Variants in RALYL observed in about 807,000 individuals in gnomAD.
The protein encoded by RALYL is RNA-binding Raly-like protein.
In RALYL, 29 loss-of-function variants were observed where a neutral mutation model predicts 35.1. That is an observed-to-expected ratio of 0.83 (90% CI 0.61 to 1.13). The LOEUF is 1.13. Among genes scored for constraint, RALYL ranks in the 50% most tolerant of loss-of-function variants. RALYL has a pLI of 0.00. For missense variants in RALYL, 359 were observed against 360.4 expected, an observed-to-expected ratio of 1.00 and a Z score of 0.03; for synonymous variants, 120 against 127.6, an observed-to-expected ratio of 0.94 and a Z score of 0.40.
At chr8:84,504,059 A>G (rs556191669) in intron 1 of RALYL, among the ~76,000 whole-genome samples, 17 of 152,208 alleles carry the variant, frequency 1.1e-4, no homozygotes, top group Non-Finnish European at 1.8e-4. Context: ...GAAAGTCACC[A>G]TAAGGAAAGA....
chr8:84,389,468 C>T (rs571603565), intron 1 of RALYL, among the ~76,000 whole-genome samples: 1 of 151,870 alleles, frequency 6.6e-6, no homozygotes, highest in Non-Finnish European at 1.5e-5. Context: ...ATTCTTCCTA[C>T]CCATGAGCAT....
At chr8:84,442,901 C>T (rs985851625) in intron 1 of RALYL, among the ~76,000 whole-genome samples, 1 of 152,094 alleles carries the variant, frequency 6.6e-6, no homozygotes, top group Non-Finnish European at 1.5e-5. Flanking sequence ...GCCTGGCTTT[C>T]AGAACTTGTT....
intron 1 of RALYL, among the ~76,000 whole-genome samples, chr8:84,332,559 CAATG>C (rs1251260660): frequency 6.6e-6 from 1 of 151,978 alleles, no homozygotes; most frequent in Non-Finnish European, 1.5e-5. Context: ...AGAAACCAGT[CAATG>C]AAGGAACAAG....
intron 1 of RALYL, among the ~76,000 whole-genome samples, chr8:84,241,103 T>A (rs1042614572): frequency 6.6e-6 from 1 of 152,178 alleles, no homozygotes; most frequent in African/African-American, 2.4e-5. Context: ...GTACTTACTT[T>A]GCTCACTTAA....
At chr8:84,820,738 G>A (rs28611199) in intron 4 of RALYL, among the ~76,000 whole-genome samples, 29,143 of 151,828 alleles carry the variant, frequency 0.19, 3,433 homozygotes, top group African/African-American at 0.32. Context: ...GGTGTGTGAT[G>A]TTCCCCTCCC....
chr8:84,373,873 C>T (rs1427395945), intron 1 of RALYL, among the ~76,000 whole-genome samples: 1 of 151,916 alleles, frequency 6.6e-6, no homozygotes, highest in African/African-American at 2.4e-5. Context: ...TTTGTTTCAT[C>T]TCTGATTTCT....
chr8:84,523,579 T>C (rs2058645785), intron 1 of RALYL, among the ~76,000 whole-genome samples: 1 of 151,766 alleles, frequency 6.6e-6, no homozygotes, highest in Non-Finnish European at 1.5e-5. Context: ...GTTAGTTACA[T>C]ATGTATACAT....
chr8:84,721,606 C>T lies in RALYL; in HGVS notation c.257-52973C>T, dbSNP rs1225546828. Among the ~76,000 whole-genome samples, 3 of 152,068 alleles carry T rather than the reference C, an allele frequency of 2.0e-5. No individual in the cohort carries two copies. In the East Asian group the frequency reaches 5.8e-4, roughly 29 times the overall value. On this transcript the variant is annotated intron_variant, in intron 2 of 8. Transcript: ENST00000521268. ...GTCTTTATTCCTTAAATCAATTTTG[C>T]ATCAGTTAGAGGAACAAATTGTTTT...
chr8:84,739,110 G>T (rs2133019625), intron 2 of RALYL, among the ~76,000 whole-genome samples: 1 of 152,020 alleles, frequency 6.6e-6, no homozygotes, highest in African/African-American at 2.4e-5. Flanking sequence ...TTTTAACTCA[G>T]ACAATTTACA....
chr8:84,336,917 G>A (rs184611746), intron 1 of RALYL, among the ~76,000 whole-genome samples: 14 of 151,774 alleles, frequency 9.2e-5, no homozygotes, highest in Non-Finnish European at 1.6e-4. Flanking sequence ...ATAGACACTA[G>A]TTTGAACATT....
chr8:84,387,305 T>G (rs1195021812), intron 1 of RALYL, among the ~76,000 whole-genome samples: 1 of 151,874 alleles, frequency 6.6e-6, no homozygotes, highest in Admixed American at 6.6e-5. Flanking sequence ...CAAAAAGCAC[T>G]TTTACTTTTT....
chr8:84,825,092 A>G (rs746448128), intron 4 of RALYL, among the ~76,000 whole-genome samples: 2 of 152,168 alleles, frequency 1.3e-5, no homozygotes, highest in East Asian at 3.8e-4. Flanking sequence ...AAATATTCAC[A>G]AACTATATAT....
chr8:84,302,224 T>C (rs1276526480), intron 1 of RALYL, among the ~76,000 whole-genome samples: 1 of 152,154 alleles, frequency 6.6e-6, no homozygotes, highest in East Asian at 1.9e-4. Flanking sequence ...TTGAAAGTTG[T>C]TCCTTAAGAG....
At chr8:84,614,371 T>G (rs2130922927) in intron 2 of RALYL, among the ~76,000 whole-genome samples, 1 of 151,766 alleles carries the variant, frequency 6.6e-6, no homozygotes, top group East Asian at 1.9e-4. Context: ...ACAACATAAA[T>G]CTTCCTGACT....
intron 6 of RALYL, chr8:84,872,453 G>A (rs374190699): frequency 3.2e-4 from 48 of 152,060 alleles, no homozygotes; most frequent in African/African-American, 1.1e-3. Flanking sequence ...AATTGTCTTC[G>A]AAATATGAGA....
intron 1 of RALYL, among the ~76,000 whole-genome samples, chr8:84,377,746 C>A (rs1451706129): frequency 6.6e-6 from 1 of 151,662 alleles, no homozygotes; most frequent in Non-Finnish European, 1.5e-5. Context: ...TCATGTAAAC[C>A]ATTGAAAATT....
chr8:84,698,838 A>G (rs1839653360), intron 2 of RALYL, among the ~76,000 whole-genome samples: 1 of 152,110 alleles, frequency 6.6e-6, no homozygotes. Context: ...GCCACGTGCC[A>G]CTTGCTGGTC....
chr8:84,788,321 G>T (rs182657004), intron 3 of RALYL, among the ~76,000 whole-genome samples: 397 of 152,254 alleles, frequency 2.6e-3, no homozygotes, highest in Non-Finnish European at 4.9e-3. Context: ...ACAAGCCATC[G>T]GGAAAGGATT....
intron 1 of RALYL, among the ~76,000 whole-genome samples, chr8:84,505,263 T>G (rs1040704499): frequency 6.6e-6 from 1 of 152,172 alleles, no homozygotes; most frequent in African/African-American, 2.4e-5. Context: ...AACATTTTCC[T>G]TATGTGACAA....
Sources: gnomAD v4.1 joint callset for allele counts (sites outside exome capture counted in the v4.1 genomes callset) on GRCh38, gnomAD v4.1.1 for gene constraint, MANE v1.5 for transcripts, NCBI Gene and HGNC (gene_info 2026-07-23, HGNC 2026-07-21) for gene names.